SYT16: variants seen among roughly 807,000 people sequenced by gnomAD.
SYT16 encodes synaptotagmin-16.
A neutral mutation model predicts 61.4 loss-of-function variants in SYT16; 42 were observed. The ratio of observed to expected loss-of-function variants is 0.68; its 90% confidence interval spans 0.53 to 0.89. The LOEUF (loss-of-function observed/expected upper bound fraction) is 0.89, where lower values mean the gene tolerates loss of function less well. Ranked by LOEUF, SYT16 falls within the 40% of genes least tolerant of loss-of-function variation. SYT16 has a pLI of 0.00. For synonymous variants in SYT16, 314 were observed against 302.3 expected (o/e 1.04, Z -0.40); for missense variants, 804 against 807.3 (o/e 1.00, Z 0.05).
intron 1 of SYT16, among the ~76,000 whole-genome samples, chr14:61,815,578 A>G (rs1276956286): frequency 6.6e-6 from 1 of 152,208 alleles, no homozygotes; most frequent in Non-Finnish European, 1.5e-5. Flanking sequence ...GAAACTTATA[A>G]TGTTCACAAA....
intron 3 of SYT16, among the ~76,000 whole-genome samples, chr14:62,062,343 T>G (rs77991230): frequency 1.1e-3 from 163 of 152,316 alleles, no homozygotes; most frequent in African/African-American, 3.7e-3. Flanking sequence ...CATCAGTGTT[T>G]TTAAAACTTA....
chr14:61,955,132 A>G (rs2050822150), intron 1 of SYT16, among the ~76,000 whole-genome samples: 1 of 152,128 alleles, frequency 6.6e-6, no homozygotes, highest in Non-Finnish European at 1.5e-5. Flanking sequence ...TGTGATTAAC[A>G]TACAAAAGCT....
chr14:62,024,691 A>G (rs1485309608), intron 3 of SYT16, among the ~76,000 whole-genome samples: 1 of 152,062 alleles, frequency 6.6e-6, no homozygotes, highest in Non-Finnish European at 1.5e-5. Context: ...TGTATGTTCT[A>G]TGATTTTTGA....
At chr14:62,085,180 A>G (rs1213136662) in intron 7 of SYT16, among the ~76,000 whole-genome samples, 2 of 152,214 alleles carry the variant, frequency 1.3e-5, no homozygotes, top group African/African-American at 2.4e-5. Flanking sequence ...GAGATTGAAC[A>G]TTAGAAGCAT....
intron 1 of SYT16, among the ~76,000 whole-genome samples, chr14:61,821,119 C>T (rs932878655): frequency 2.0e-5 from 3 of 151,800 alleles, no homozygotes; most frequent in Non-Finnish European, 4.4e-5. Context: ...TTTGCAGAGC[C>T]CTCAGCCGCT....
chr14:62,100,562 G>A lies in SYT16; in HGVS notation c.1793G>A (p.Arg598Lys). The A allele has an allele frequency of 6.2e-7, 1 of 1,613,852 alleles. No individual in the cohort carries two copies. The highest frequency in any genetic ancestry group is 8.5e-7 in the Non-Finnish European group (1 of 1,179,844). Residue 598 changes from arginine to lysine, a missense_variant, in exon 8 of 8, where the codon AGG becomes AAG. Transcript: ENST00000683842. ...DVTLMISVYN[R>K]RTMKRKEMIG... ...ACGTTGATGATTTCCGTTTATAACA[G>A]GCGTACTATGAAGCGTAAAGAGATG... is the stretch of plus-strand genomic sequence containing the variant.
At chr14:61,991,005 T>C (rs574997852) in intron 2 of SYT16, among the ~76,000 whole-genome samples, 1 of 152,314 alleles carries the variant, frequency 6.6e-6, no homozygotes, top group East Asian at 1.9e-4. Context: ...TTTAAAAAAG[T>C]AGCCTTTAAG....
intron 3 of SYT16, among the ~76,000 whole-genome samples, chr14:62,032,810 G>T (rs2054359637): frequency 6.6e-6 from 1 of 151,660 alleles, no homozygotes; most frequent in Admixed American, 6.6e-5. Context: ...AAAATATTTT[G>T]GTAAACACAA....
chr14:62,092,225 C>CACAT lies in SYT16; in HGVS notation c.1624+7842_1624+7843insATAC, dbSNP rs1365679417. On this transcript the variant is annotated intron_variant, in intron 7 of 7. Transcript: ENST00000683842. ...ACACACACACACACACACACACACACACTAACAAGTGTTAATGAGAATGTG... is the reference window on the plus strand; with the variant it reads ...ACACACACACACACACACACACACACACATACTAACAAGTGTTAATGAGAATGTG... Among the ~76,000 whole-genome samples the CACAT allele has an allele frequency of 3.0e-3, 423 of 140,830 alleles. 3 individuals are homozygous for CACAT. Among genetic ancestry groups the CACAT allele is most frequent in the Non-Finnish European group, 4.0e-3 (260 of 65,072 alleles). 92.4% of individuals were successfully genotyped at this position (140,830 alleles called of 152,430 possible).
intron 3 of SYT16, among the ~76,000 whole-genome samples, chr14:62,046,046 G>A (rs1205169915): frequency 1.3e-5 from 2 of 152,294 alleles, no homozygotes; most frequent in African/African-American, 4.8e-5. Context: ...CCACAGGGTT[G>A]AACTAGTTTA....
At chr14:62,088,815 A>C (rs1173860221) in intron 7 of SYT16, among the ~76,000 whole-genome samples, 1 of 152,192 alleles carries the variant, frequency 6.6e-6, no homozygotes, top group Admixed American at 6.5e-5. Flanking sequence ...TATTATTTCA[A>C]ATATTCTATA....
intron 3 of SYT16, among the ~76,000 whole-genome samples, chr14:62,065,662 C>T (rs1190087895): frequency 6.6e-6 from 1 of 152,144 alleles, no homozygotes; most frequent in East Asian, 1.9e-4. Flanking sequence ...AATGGAATCT[C>T]AGAGTTGGAA....
chr14:61,875,733 T>C (rs2047467217), intron 1 of SYT16, among the ~76,000 whole-genome samples: 2 of 152,188 alleles, frequency 1.3e-5, no homozygotes, highest in Admixed American at 1.3e-4. Flanking sequence ...CCAGGTGCCA[T>C]TGGTACCAAA....
chr14:62,075,544 C>T (rs895293489), intron 5 of SYT16, among the ~76,000 whole-genome samples, 153 bp downstream of exon 5: 2 of 144,400 alleles, frequency 1.4e-5, no homozygotes, highest in African/African-American at 2.6e-5. Flanking sequence ...ACCAAAATCC[C>T]ATGCATGTCA....
chr14:62,100,525 C>T lies in SYT16; in HGVS notation c.1756C>T (p.Leu586=). 1.2e-6 allele frequency: 2 copies of T among 1,613,824 alleles called. No individual in the cohort carries two copies. Among genetic ancestry groups the T allele is most frequent in the Non-Finnish European group, 1.7e-6 (2 of 1,179,842 alleles). The change falls in exon 8 of 8, where the codon CTG becomes TTG. Residue 586 remains leucine (L), a synonymous_variant. Transcript: ENST00000683842. ...TGTTTTCCAGGTGGCCCTCTTTCAG[C>T]TGTCTGATGTCACGTTGATGATTTC... ...TFVFQVALFQ[L]SDVTLMISVY...
chr14:62,010,316 A>G (rs2053394368), intron 3 of SYT16, among the ~76,000 whole-genome samples: 2 of 152,346 alleles, frequency 1.3e-5, no homozygotes, highest in African/African-American at 4.8e-5. Flanking sequence ...ATAAGGGGAT[A>G]CAAATTAATT....
At chr14:61,828,064 G>T (rs1344848409) in intron 1 of SYT16, among the ~76,000 whole-genome samples, 1 of 152,170 alleles carries the variant, frequency 6.6e-6, no homozygotes, top group Non-Finnish European at 1.5e-5. Flanking sequence ...GTAAGAAGAG[G>T]AGACTTGGAC....
chr14:62,025,547 T>C (rs2054071102), intron 3 of SYT16, among the ~76,000 whole-genome samples: 1 of 152,192 alleles, frequency 6.6e-6, no homozygotes, highest in Admixed American at 6.6e-5. Flanking sequence ...GTCTGTGGCA[T>C]GTCTTATGGT....
intron 1 of SYT16, among the ~76,000 whole-genome samples, chr14:61,943,337 A>G (rs191276388): frequency 6.6e-6 from 1 of 152,316 alleles, no homozygotes; most frequent in Admixed American, 6.5e-5. Context: ...TTCTAAAACT[A>G]TTCCGAACAA....
Sources: gnomAD v4.1 joint callset for allele counts (sites outside exome capture counted in the v4.1 genomes callset) on GRCh38, gnomAD v4.1.1 for gene constraint, MANE v1.5 for transcripts, NCBI Gene and HGNC (gene_info 2026-07-23, HGNC 2026-07-21) for gene names.